The following ITGA9 variants were observed in gnomAD, a reference collection of about 807,000 sequenced individuals.
The protein encoded by ITGA9 is integrin alpha-9.
Under a neutral mutation model 127.8 loss-of-function variants are expected in ITGA9, and 56 were observed. That is an observed-to-expected ratio of 0.44 (90% CI 0.35 to 0.55). The LOEUF is 0.55. Ranked by LOEUF, ITGA9 falls within the 20% of genes least tolerant of loss-of-function variation. The probability of loss-of-function intolerance (pLI) is 0.00; values close to 1 mark genes in which losing one functional copy is unlikely to be tolerated. For missense variants in ITGA9, 1,196 were observed against 1,347.1 expected, an observed-to-expected ratio of 0.89 and a Z score of 1.76; for synonymous variants, 508 against 514.5, an observed-to-expected ratio of 0.99 and a Z score of 0.17.
intron 27 of ITGA9, among the ~76,000 whole-genome samples, chr3:37,810,259 G>A (rs1182321260): frequency 1.3e-5 from 2 of 152,204 alleles, no homozygotes; most frequent in Non-Finnish European, 2.9e-5. Context: ...AGCTGGCCAT[G>A]CCGCCGCATT....
intron 18 of ITGA9, among the ~76,000 whole-genome samples, chr3:37,693,480 A>G (rs1018089459): frequency 1.3e-5 from 2 of 152,168 alleles, no homozygotes; most frequent in Non-Finnish European, 2.9e-5. Flanking sequence ...TCTTCAGATT[A>G]TATCTACCTT....
chr3:37,601,980 G>T, intron 15 of ITGA9, among the ~76,000 whole-genome samples: 1 of 152,114 alleles, frequency 6.6e-6, no homozygotes, highest in East Asian at 1.9e-4. Flanking sequence ...AAGCAAGCGG[G>T]GAGTGGAGGT....
At chr3:37,792,171 T>G (rs1320528588) in intron 26 of ITGA9, among the ~76,000 whole-genome samples, 2 of 152,216 alleles carry the variant, frequency 1.3e-5, no homozygotes, top group African/African-American at 4.8e-5. Context: ...ACTCTCGGTA[T>G]AGTTTTCCAA....
intron 22 of ITGA9, among the ~76,000 whole-genome samples, chr3:37,747,724 T>TTG (rs1553664946): frequency 1.3e-5 from 2 of 151,556 alleles, no homozygotes; most frequent in Middle Eastern, 3.2e-3. Flanking sequence ...TTCTTTTTTT[T>TTG]TTTTGTTTTG....
intron 4 of ITGA9, among the ~76,000 whole-genome samples, chr3:37,482,382 C>T (rs556062999): frequency 6.6e-6 from 1 of 152,216 alleles, no homozygotes; most frequent in Non-Finnish European, 1.5e-5. Context: ...TTGAGTCAGT[C>T]ACTATTTAGC....
chr3:37,618,753 C>G (rs902784248), intron 15 of ITGA9, among the ~76,000 whole-genome samples: 1 of 152,220 alleles, frequency 6.6e-6, no homozygotes, highest in African/African-American at 2.4e-5. Context: ...GCGTAGGACT[C>G]TCCGAGCTAG....
chr3:37,696,835 C>T (rs1186414836), intron 18 of ITGA9, among the ~76,000 whole-genome samples: 4 of 152,162 alleles, frequency 2.6e-5, no homozygotes, highest in Non-Finnish European at 4.4e-5. Context: ...CATTTATACC[C>T]TTGCTACTCG....
At chr3:37,588,129 G>A (rs942648138) in intron 15 of ITGA9, among the ~76,000 whole-genome samples, 1 of 152,192 alleles carries the variant, frequency 6.6e-6, no homozygotes, top group Admixed American at 6.5e-5. Context: ...TACAAATGGA[G>A]GTCCACTTAG....
chr3:37,646,757 A>C (rs1459540077), intron 16 of ITGA9, among the ~76,000 whole-genome samples: 1 of 152,156 alleles, frequency 6.6e-6, no homozygotes, highest in Admixed American at 6.5e-5. Context: ...TGTGTTTGCC[A>C]GAGGACTTAG....
At chr3:37,661,383 C>G (rs1700531758) in intron 17 of ITGA9, among the ~76,000 whole-genome samples, 1 of 152,192 alleles carries the variant, frequency 6.6e-6, no homozygotes, top group Non-Finnish European at 1.5e-5. Context: ...TTGGCCGAAT[C>G]CTCCATTAAA....
At chr3:37,568,658 A>C (rs1323902013) in intron 15 of ITGA9, among the ~76,000 whole-genome samples, 3 of 152,180 alleles carry the variant, frequency 2.0e-5, no homozygotes, top group Admixed American at 1.3e-4. Flanking sequence ...CTCAAGTTCA[A>C]AGTTCCACAA....
At chr3:37,511,733 G>T (rs1384644267) in intron 8 of ITGA9, among the ~76,000 whole-genome samples, 1 of 152,158 alleles carries the variant, frequency 6.6e-6, no homozygotes, top group Non-Finnish European at 1.5e-5. Context: ...AGGGGAGGAA[G>T]ATGGCCTTGG....
rs1051397700 is a variant in ITGA9 at position 37,822,185 on chromosome 3, A to G, written c.*3196A>G. On this transcript the variant is annotated 3_prime_UTR_variant, in exon 28 of 28. Transcript: ENST00000264741. ...AATCCTATAAGATATTCTCCTGAGC[A>G]GTATTATTTCAGTTTCCTTCAGCTT... 1 of 152,192 alleles carries G rather than the reference A, an allele frequency of 6.6e-6. No individual in the cohort carries two copies. The highest frequency in any genetic ancestry group is 2.4e-5 in the African/African-American group (1 of 41,434). The allele number at this position is 152,192 out of a possible 1,614,324, so 9.4% of individuals were successfully genotyped here. A position where few individuals can be genotyped will look rare whatever the true frequency, so the allele number is the denominator to read the frequency against.
At chr3:37,764,197 TTCCAA>T (rs756656170) in intron 23 of ITGA9, among the ~76,000 whole-genome samples, 2 of 152,024 alleles carry the variant, frequency 1.3e-5, no homozygotes, top group Non-Finnish European at 2.9e-5. Flanking sequence ...CCCCCTTCTC[TTCCAA>T]AAAAGATTAC....
At chr3:37,739,549 T>C (rs1440234673) in intron 20 of ITGA9, among the ~76,000 whole-genome samples, 2 of 152,236 alleles carry the variant, frequency 1.3e-5, no homozygotes, top group Non-Finnish European at 2.9e-5. Context: ...TCTCTTTGCC[T>C]ACTTGTAGAT....
intron 14 of ITGA9, among the ~76,000 whole-genome samples, 158 bp downstream of exon 14, chr3:37,533,626 A>G (rs982960949): frequency 2.6e-5 from 4 of 152,054 alleles, no homozygotes; most frequent in African/African-American, 9.7e-5. Flanking sequence ...CTCCCCTTCT[A>G]TTTCCTGCTT....
intron 5 of ITGA9, among the ~76,000 whole-genome samples, chr3:37,496,637 A>G (rs1024445727): frequency 6.6e-6 from 1 of 152,164 alleles, no homozygotes; most frequent in South Asian, 2.1e-4. Flanking sequence ...GAAAAATATC[A>G]TGGTGCTCCC....
intron 18 of ITGA9, among the ~76,000 whole-genome samples, chr3:37,688,840 A>G (rs1475828296): frequency 6.6e-6 from 1 of 151,890 alleles, no homozygotes; most frequent in Non-Finnish European, 1.5e-5. Flanking sequence ...GGGTGGCTGA[A>G]TGGTTAGATA....
intron 15 of ITGA9, among the ~76,000 whole-genome samples, chr3:37,592,001 A>G (rs762280629): frequency 2.0e-5 from 3 of 152,138 alleles, no homozygotes; most frequent in Non-Finnish European, 4.4e-5. Flanking sequence ...GAACTTAGTC[A>G]TGGGTGGATA....
Sources: allele counts gnomAD v4.1 joint callset (sites outside exome capture counted in the v4.1 genomes callset), GRCh38; gene constraint gnomAD v4.1.1; transcripts MANE v1.5; gene names NCBI Gene and HGNC (gene_info 2026-07-23, HGNC 2026-07-21).